GTF2H3: variants seen among roughly 807,000 people sequenced by gnomAD.
GTF2H3 encodes TFIIH basal transcription factor complex p34 subunit.
A neutral mutation model predicts 51.1 loss-of-function variants in GTF2H3; 42 were observed. The observed-to-expected ratio is 0.82, with a 90% CI of 0.64 to 1.06. GTF2H3 has a LOEUF of 1.06. Ranked by LOEUF, GTF2H3 falls within the 50% of genes least tolerant of loss-of-function variation. GTF2H3 has a pLI of 0.00. For synonymous variants in GTF2H3, 123 were observed against 123.8 expected (o/e 0.99, Z 0.04); for missense variants, 326 against 366.1 (o/e 0.89, Z 0.89).
At chr12:123,639,936 A>G (rs867459565) in intron 2 of GTF2H3, 5 of 455,798 alleles carry the variant, frequency 1.1e-5, no homozygotes, top group Middle Eastern at 6.5e-4. Context: ...TACCACATTC[A>G]TTGATTTGTG....
intron 9 of GTF2H3, among the ~76,000 whole-genome samples, chr12:123,658,969 C>A (rs1955620190): frequency 6.6e-6 from 1 of 152,194 alleles, no homozygotes; most frequent in Non-Finnish European, 1.5e-5. Flanking sequence ...AATATCATTA[C>A]CGACCAGGGA....
intron 7 of GTF2H3, among the ~76,000 whole-genome samples, chr12:123,653,518 G>A (rs953183912): frequency 2.6e-5 from 4 of 152,006 alleles, no homozygotes; most frequent in African/African-American, 9.6e-5. Context: ...AAAATGTCGT[G>A]GGCGCCTGTA....
rs565934609 is a variant in GTF2H3 at position 123,642,504 on chromosome 12, G to C, written c.94-2951G>C. Among the ~76,000 whole-genome samples the C allele has an allele frequency of 3.9e-5, 6 of 152,268 alleles. No individual in the cohort carries two copies. In the East Asian group the frequency reaches 9.6e-4, roughly 24 times the overall value. The stretch of plus-strand genomic sequence containing the variant: ...TACTTGTGATTCTATTTCCAAAAAA[G>C]ATCATGTACACATGTACCAGAAGTT... On this transcript the variant is annotated intron_variant, in intron 2 of 12. Transcript: ENST00000543341.
intron 3 of GTF2H3, among the ~76,000 whole-genome samples, chr12:123,646,646 G>A (rs1593802045): frequency 6.6e-6 from 1 of 152,032 alleles, no homozygotes; most frequent in East Asian, 1.9e-4. Context: ...GATTTTCTTG[G>A]TTCTTAGGGC....
chr12:123,658,631 C>T (rs1331292181), intron 9 of GTF2H3, among the ~76,000 whole-genome samples: 1 of 151,930 alleles, frequency 6.6e-6, no homozygotes, highest in Admixed American at 6.6e-5. Context: ...TGCACCTGGA[C>T]AAAAAAGTGT....
chr12:123,638,715 T>C (rs1421451315), intron 1 of GTF2H3, among the ~76,000 whole-genome samples: 1 of 151,536 alleles, frequency 6.6e-6, no homozygotes, highest in Non-Finnish European at 1.5e-5. Context: ...CCTCACAGAG[T>C]TTACATTTAG....
At chr12:123,654,781 T>G in intron 7 of GTF2H3, 143 bp from the exon 8 acceptor site, 1 of 658,628 alleles carries the variant, frequency 1.5e-6, no homozygotes, top group African/African-American at 1.8e-5. Context: ...ACTGTCATCT[T>G]TATACTTTAG....
At chr12:123,639,611 G>A (rs1955339082) in intron 2 of GTF2H3, among the ~76,000 whole-genome samples, 1 of 152,072 alleles carries the variant, frequency 6.6e-6, no homozygotes, top group East Asian at 1.9e-4. Flanking sequence ...AGCAACCACT[G>A]ATCTGCCCTC....
chr12:123,644,070 A>G (rs577737989), intron 2 of GTF2H3, among the ~76,000 whole-genome samples: 1 of 152,164 alleles, frequency 6.6e-6, no homozygotes, highest in Non-Finnish European at 1.5e-5. Flanking sequence ...ACCACAGGTG[A>G]TCTGCCTGCC....
intron 5 of GTF2H3, among the ~76,000 whole-genome samples, chr12:123,651,798 C>T (rs1593808059): frequency 2.1e-5 from 3 of 145,032 alleles, no homozygotes; most frequent in South Asian, 2.1e-4. Flanking sequence ...CCAGCCTGGG[C>T]GACAAAGCGA....
intron 9 of GTF2H3, among the ~76,000 whole-genome samples, chr12:123,657,844 GT>G (rs1955606481): frequency 6.6e-6 from 1 of 152,136 alleles, no homozygotes; most frequent in Non-Finnish European, 1.5e-5. Context: ...CGGAGCTAGG[GT>G]TTTCAGTGTA....
At chr12:123,648,334 C>T (rs1955477567) in intron 4 of GTF2H3, 2 of 383,378 alleles carry the variant, frequency 5.2e-6, no homozygotes, top group Non-Finnish European at 9.2e-6. Context: ...GGAAACACGA[C>T]TTTTGGCTTC....
chr12:123,656,307 TG>T (rs1442467500), intron 9 of GTF2H3, among the ~76,000 whole-genome samples: 13 of 152,350 alleles, frequency 8.5e-5, no homozygotes, highest in African/African-American at 3.1e-4. Flanking sequence ...AGGTATATGA[TG>T]TTCATTTTAT....
intron 2 of GTF2H3, among the ~76,000 whole-genome samples, chr12:123,640,572 A>G (rs1566224467): frequency 6.6e-6 from 1 of 152,060 alleles, no homozygotes; most frequent in South Asian, 2.1e-4. Context: ...TCCTAAACTC[A>G]GGTGATCTGC....
chr12:123,659,473 T>C (rs752367380), intron 9 of GTF2H3, 43 bp from the exon 10 acceptor site: 9 of 1,574,082 alleles, frequency 5.7e-6, no homozygotes, highest in Middle Eastern at 3.3e-4. Flanking sequence ...CTGGAAACCC[T>C]AGGTAAGTGC....
At chr12:123,652,679 A>AT in intron 6 of GTF2H3, 28 bp from the exon 7 acceptor site, 2 of 1,543,798 alleles carry the variant, frequency 1.3e-6, no homozygotes, top group Non-Finnish European at 8.8e-7. Flanking sequence ...ATTTAGTTAA[A>AT]TTTTTTTCTG....
intron 1 of GTF2H3, among the ~76,000 whole-genome samples, chr12:123,634,089 A>G (rs969681938): frequency 2.0e-5 from 3 of 152,224 alleles, no homozygotes; most frequent in African/African-American, 7.2e-5. Flanking sequence ...CGTGACAGAC[A>G]GGGGCCTTAG....
Position 123,660,082 on chromosome 12 carries a change from A to G in GTF2H3, c.857A>G (p.Glu286Gly). Residue 286 changes from glutamate to glycine, a missense_variant and splice_region_variant, in exon 12 of 13, where the codon GAG (glutamate) becomes GGG (glycine). Glu to Gly is a moderately conservative substitution (Grantham distance 98). Transcript: ENST00000543341. ...CNFSPICTTC[E>G]TAFKISLPPV... is the part of the protein sequence containing the mutation. ...TTCAGCCCCATTTGTACTACGTGCG[A>G]GTAAGTATCTTTGAGATTGTGTGGG... is the stretch of plus-strand genomic sequence containing the variant. 6.2e-7 allele frequency: 1 copy of G among 1,608,070 alleles called. No individual in the cohort carries two copies. Among genetic ancestry groups the G allele is most frequent in the Non-Finnish European group, 8.5e-7 (1 of 1,178,600 alleles).
Position 123,647,998 on chromosome 12 carries a change from G to C in GTF2H3, c.236G>C (p.Gly79Ala). ...FLYPGKNGRL[G>A]DFFGDPGNPP... ...TATCCTGGAAAGAATGGCAGACTTG[G>C]AGACTTCTTCGGAGACCCTGGCAAC... The change falls in exon 4 of 13, where the codon GGA becomes GCA. Residue 79 changes from glycine to alanine, a missense_variant. Transcript: ENST00000543341. The C allele has an allele frequency of 6.2e-7, 1 of 1,613,842 alleles. No individual in the cohort carries two copies. Among genetic ancestry groups the C allele is most frequent in the South Asian group, 1.1e-5 (1 of 91,022 alleles).
Sources: allele counts gnomAD v4.1 joint callset (sites outside exome capture counted in the v4.1 genomes callset), GRCh38; gene constraint gnomAD v4.1.1; transcripts MANE v1.5; gene names NCBI Gene and HGNC (gene_info 2026-07-23, HGNC 2026-07-21).